STK4: variants seen among roughly 807,000 people sequenced by gnomAD.
STK4 encodes the protein serine/threonine kinase 4.
A neutral mutation model predicts 64.9 loss-of-function variants in STK4; 30 were observed. That is an observed-to-expected ratio of 0.46 (90% CI 0.35 to 0.63). STK4 has a LOEUF of 0.63. Ranked by LOEUF, STK4 falls within the 20% of genes least tolerant of loss-of-function variation. STK4 has a pLI of 0.01. For missense variants in STK4, 466 were observed against 598.5 expected, an observed-to-expected ratio of 0.78 and a Z score of 2.31; for synonymous variants, 177 against 199.0, an observed-to-expected ratio of 0.89 and a Z score of 0.93.
chr20:45,028,699 G>T (rs1395535480), intron 10 of STK4, among the ~76,000 whole-genome samples: 2 of 152,080 alleles, frequency 1.3e-5, no homozygotes, highest in Non-Finnish European at 2.9e-5. Flanking sequence ...TTGCCCATTT[G>T]TATGTCTTTT....
At chr20:44,991,918 C>T (rs1169041156) in intron 5 of STK4, among the ~76,000 whole-genome samples, 2 of 152,064 alleles carry the variant, frequency 1.3e-5, no homozygotes, top group East Asian at 1.9e-4. Flanking sequence ...CCCCCCTTGG[C>T]GTGCCAAAGT....
At position 45,079,627 on chromosome 20, in the gene STK4, C is replaced by T. The variant is rs2145501464; in HGVS notation, c.*4451C>T. The T allele has an allele frequency of 6.6e-6, 1 of 151,848 alleles. No individual in the cohort carries two copies. The highest frequency in any genetic ancestry group is 3.4e-3 in the Middle Eastern group (1 of 292). 9.4% of individuals were successfully genotyped at this position (151,848 alleles called of 1,614,324 possible). On this transcript the variant is annotated 3_prime_UTR_variant, in exon 11 of 11. Transcript: ENST00000372806. The stretch of plus-strand genomic sequence containing the variant: ...CTCTTTTACCAGCTTGCACTCGGAC[C>T]AACTTGGAAAAAAAAAAGCTTAAAT...
chr20:45,047,473 G>T (rs974380609), intron 10 of STK4, among the ~76,000 whole-genome samples: 3 of 152,184 alleles, frequency 2.0e-5, no homozygotes, highest in Non-Finnish European at 4.4e-5. Flanking sequence ...GCCATAGCAT[G>T]CAGGTGCTCA....
At chr20:45,008,468 TC>T (rs2067989480) in intron 9 of STK4, among the ~76,000 whole-genome samples, 1 of 152,228 alleles carries the variant, frequency 6.6e-6, no homozygotes, top group African/African-American at 2.4e-5. Context: ...CTAGGTTGAT[TC>T]CATATCTTCG....
rs373362307 is a variant in STK4 at position 44,997,298 on chromosome 20, C to G, written c.823C>G (p.Leu275Val). The G allele has an allele frequency of 1.8e-5, 29 of 1,596,994 alleles. No homozygotes were observed. The highest frequency in any genetic ancestry group is 6.7e-5 in the East Asian group (3 of 44,804). The change falls in exon 7 of 11, where the codon CTC (leucine) becomes GTC (valine). Residue 275 changes from leucine to valine, a missense_variant. Leu to Val is a conservative substitution (Grantham distance 32). Coordinates refer to ENST00000372806, the MANE Select transcript of STK4 (RefSeq NM_006282.5). ...SPEQRATATQLLQHPFVRSAK... is the reference protein window; with the variant it reads ...SPEQRATATQVLQHPFVRSAK... ...TGAGCAGAGGGCCACAGCCACTCAG[C>G]TCCTGCAGGTATGAATCACCCTGTG...
intron 9 of STK4, among the ~76,000 whole-genome samples, chr20:45,007,478 T>C (rs2067967943): frequency 6.6e-6 from 1 of 151,562 alleles, no homozygotes; most frequent in Admixed American, 6.6e-5. Flanking sequence ...ACCCAGGAGG[T>C]GGAGGTTGCA....
At chr20:45,032,166 A>T (rs1032459454) in intron 10 of STK4, among the ~76,000 whole-genome samples, 3 of 152,226 alleles carry the variant, frequency 2.0e-5, no homozygotes, top group African/African-American at 7.2e-5. Context: ...TAGACAAAAA[A>T]CTAACGCAAT....
intron 10 of STK4, among the ~76,000 whole-genome samples, chr20:45,046,522 A>G (rs2068697939): frequency 6.6e-6 from 1 of 151,634 alleles, no homozygotes; most frequent in Non-Finnish European, 1.5e-5. Flanking sequence ...GATACAGGAA[A>G]TATTTGATAT....
chr20:45,064,118 G>T (rs1369232962), intron 10 of STK4, among the ~76,000 whole-genome samples: 1 of 152,014 alleles, frequency 6.6e-6, no homozygotes, highest in Non-Finnish European at 1.5e-5. Flanking sequence ...AAGGGGGGGG[G>T]TCCAGTTTTA....
intron 9 of STK4, among the ~76,000 whole-genome samples, chr20:45,011,723 ATATATATTTTTTTT>A (rs926043277): frequency 9.4e-6 from 1 of 106,234 alleles, no homozygotes; most frequent in African/African-American, 3.8e-5. Flanking sequence ...ATATATATAT[ATATATATTTTTTTT>A]TTTTTTTTTA....
chr20:45,042,503 C>T (rs1021506274), intron 10 of STK4, among the ~76,000 whole-genome samples: 5 of 152,152 alleles, frequency 3.3e-5, no homozygotes, highest in African/African-American at 9.7e-5. Context: ...GGTGTCATTT[C>T]CCTCTCCCAA....
At chr20:45,070,279 T>C (rs1979941564) in intron 10 of STK4, among the ~76,000 whole-genome samples, 1 of 152,158 alleles carries the variant, frequency 6.6e-6, no homozygotes, top group Non-Finnish European at 1.5e-5. Flanking sequence ...GTGAGGTGAT[T>C]GGATTCATTT....
intron 10 of STK4, among the ~76,000 whole-genome samples, chr20:45,043,554 A>G (rs2068646305): frequency 6.6e-6 from 1 of 152,216 alleles, no homozygotes; most frequent in African/African-American, 2.4e-5. Flanking sequence ...TTGAACCTAT[A>G]TGAGAGTTAA....
intron 9 of STK4, among the ~76,000 whole-genome samples, chr20:45,016,523 C>A (rs1392876028): frequency 1.3e-5 from 2 of 152,144 alleles, no homozygotes; most frequent in Admixed American, 6.6e-5. Context: ...TGCAGTTTTT[C>A]TTATTGTATC....
intron 7 of STK4, among the ~76,000 whole-genome samples, chr20:44,998,060 C>A (rs930498157): frequency 6.6e-6 from 1 of 152,102 alleles, no homozygotes. Context: ...TCAAGTCTAC[C>A]CGAGTCTGAC....
chr20:44,980,005 G>A (rs2067409260), intron 3 of STK4, among the ~76,000 whole-genome samples: 1 of 152,174 alleles, frequency 6.6e-6, no homozygotes, highest in Non-Finnish European at 1.5e-5. Flanking sequence ...ATATTTTCAA[G>A]CGTCTACTCT....
At chr20:45,012,306 T>C (rs996120549) in intron 9 of STK4, among the ~76,000 whole-genome samples, 1 of 152,184 alleles carries the variant, frequency 6.6e-6, no homozygotes, top group Non-Finnish European at 1.5e-5. Context: ...AGTGCTGGGA[T>C]TACAGGCGTG....
intron 9 of STK4, among the ~76,000 whole-genome samples, chr20:45,011,727 A>ATT (rs1215314894): frequency 3.7e-5 from 4 of 107,350 alleles, no homozygotes; most frequent in African/African-American, 1.5e-4. Flanking sequence ...ATATATATAT[A>ATT]TATTTTTTTT....
At chr20:45,068,562 G>A (rs1979785445) in intron 10 of STK4, among the ~76,000 whole-genome samples, 1 of 152,194 alleles carries the variant, frequency 6.6e-6, no homozygotes, top group Non-Finnish European at 1.5e-5. Context: ...CTGAATGTGA[G>A]GGCCATCTGA....
Sources: gnomAD v4.1 joint callset for allele counts (sites outside exome capture counted in the v4.1 genomes callset) on GRCh38, gnomAD v4.1.1 for gene constraint, MANE v1.5 for transcripts, NCBI Gene and HGNC (gene_info 2026-07-23, HGNC 2026-07-21) for gene names.